PAPPA2: variants seen among roughly 807,000 people sequenced by gnomAD.
PAPPA2 encodes the protein pappalysin-2.
Under a neutral mutation model 176.4 loss-of-function variants are expected in PAPPA2, and 86 were observed. That is an observed-to-expected ratio of 0.49 (90% CI 0.41 to 0.58). The LOEUF (loss-of-function observed/expected upper bound fraction) is 0.58, where lower values mean the gene tolerates loss of function less well. Among genes scored for constraint, PAPPA2 ranks in the 20% least tolerant of loss-of-function variants. PAPPA2 has a pLI of 0.00. For missense variants in PAPPA2, 2,073 were observed against 2,256.9 expected (o/e 0.92, Z 1.65); for synonymous variants, 809 against 852.2 (o/e 0.95, Z 0.88).
intron 1 of PAPPA2, among the ~76,000 whole-genome samples, chr1:176,503,712 C>T (rs1009638741): frequency 6.6e-6 from 1 of 152,152 alleles, no homozygotes; most frequent in Non-Finnish European, 1.5e-5. Context: ...CTGGAGAAAG[C>T]AGTGTCTGTT....
chr1:176,554,994 T>C lies in PAPPA2; in HGVS notation c.-916-413T>C, dbSNP rs963411018. On this transcript the variant is annotated intron_variant, in intron 1 of 22. Transcript: ENST00000367662. ...GTAAGTGTGTGTGTGTGTGTGTGTG[T>C]GTGTGTGAGAGAGAGAGAGAGAGAG... Among the ~76,000 whole-genome samples the C allele has an allele frequency of 4.1e-4, 43 of 106,000 alleles. 1 individual carries two copies. Among genetic ancestry groups the C allele is most frequent in the Non-Finnish European group, 2.2e-4 (11 of 49,030 alleles). 69.5% of individuals were successfully genotyped at this position (106,000 alleles called of 152,430 possible).
At chr1:176,686,173 G>C (rs1303677643) in intron 4 of PAPPA2, among the ~76,000 whole-genome samples, 1 of 152,134 alleles carries the variant, frequency 6.6e-6, no homozygotes, top group African/African-American at 2.4e-5. Context: ...CCGTTCTCAC[G>C]CTGCTTTGAA....
chr1:176,471,602 C>T (rs983582044), intron 1 of PAPPA2, among the ~76,000 whole-genome samples: 1 of 152,182 alleles, frequency 6.6e-6, no homozygotes, highest in African/African-American at 2.4e-5. Flanking sequence ...CTGCCTCCCT[C>T]CCCATGAAAG....
chr1:176,515,839 T>A (rs6687706), intron 1 of PAPPA2, among the ~76,000 whole-genome samples: 56,724 of 152,004 alleles, frequency 0.37, 12,482 homozygotes, highest in African/African-American at 0.6. Flanking sequence ...ACTCCATTCC[T>A]TGGTGTGGAA....
At chr1:176,589,498 T>C (rs1390761217) in intron 2 of PAPPA2, among the ~76,000 whole-genome samples, 1 of 152,222 alleles carries the variant, frequency 6.6e-6, no homozygotes, top group East Asian at 1.9e-4. Context: ...TTAGTAAATA[T>C]ATATGATGGA....
At chr1:176,710,205 G>A in intron 11 of PAPPA2, 29 bp downstream of exon 11, 3 of 1,597,698 alleles carry the variant, frequency 1.9e-6, no homozygotes, top group Non-Finnish European at 2.6e-6. Context: ...ATAGAGTCGA[G>A]CCTGCGCAAA....
chr1:176,570,723 C>A (rs116786399), intron 2 of PAPPA2, among the ~76,000 whole-genome samples: 3,256 of 150,554 alleles, frequency 0.022, 70 homozygotes, highest in African/African-American at 0.059. Flanking sequence ...CAGGTGACAG[C>A]CAGGTGCCAT....
intron 1 of PAPPA2, among the ~76,000 whole-genome samples, chr1:176,553,294 C>T (rs1280563943): frequency 6.9e-6 from 1 of 144,624 alleles, no homozygotes; most frequent in Non-Finnish European, 1.5e-5. Flanking sequence ...AGGGAGGGGG[C>T]ACCTTCTAGT....
At chr1:176,816,177 T>C (rs1314945271) in intron 21 of PAPPA2, among the ~76,000 whole-genome samples, 2 of 124,976 alleles carry the variant, frequency 1.6e-5, no homozygotes, top group South Asian at 2.6e-4. Context: ...TATATATATA[T>C]ATATATATAT....
chr1:176,825,412 T>C (rs1666819415), intron 21 of PAPPA2, among the ~76,000 whole-genome samples: 1 of 152,242 alleles, frequency 6.6e-6, no homozygotes, highest in African/African-American at 2.4e-5. Context: ...TAATTTCATA[T>C]CTTGCCTTAT....
intron 3 of PAPPA2, among the ~76,000 whole-genome samples, chr1:176,615,731 A>G (rs1327575684): frequency 6.6e-6 from 1 of 152,228 alleles, no homozygotes; most frequent in Non-Finnish European, 1.5e-5. Flanking sequence ...AACCTGATGT[A>G]TACTAGTATG....
intron 4 of PAPPA2, among the ~76,000 whole-genome samples, chr1:176,674,629 C>T (rs12080168): frequency 0.25 from 38,398 of 151,694 alleles, 5,009 homozygotes; most frequent in South Asian, 0.34. Context: ...CTATGGTATA[C>T]ACATATACTG....
intron 15 of PAPPA2, among the ~76,000 whole-genome samples, chr1:176,768,169 A>G (rs1248462702): frequency 6.6e-6 from 1 of 152,194 alleles, no homozygotes; most frequent in Non-Finnish European, 1.5e-5. Flanking sequence ...CAAACAAGCC[A>G]TAAGCTTCTA....
At chr1:176,780,563 C>A (rs1047258890) in intron 17 of PAPPA2, among the ~76,000 whole-genome samples, 2 of 152,196 alleles carry the variant, frequency 1.3e-5, no homozygotes, top group African/African-American at 2.4e-5. Flanking sequence ...CTCTGCCTGG[C>A]ATATCCTCCT....
At chr1:176,584,400 TG>T (rs1653173040) in intron 2 of PAPPA2, among the ~76,000 whole-genome samples, 2 of 148,178 alleles carry the variant, frequency 1.3e-5, no homozygotes, top group Admixed American at 6.7e-5. Flanking sequence ...AATGCATTTT[TG>T]TTTTTTTTTT....
At position 176,843,163 on chromosome 1, in the gene PAPPA2, G is replaced by T. The variant is rs984866958; in HGVS notation, c.*709G>T. 6.6e-6 allele frequency: 1 copy of T among 152,090 alleles called. No individual in the cohort carries two copies. Among genetic ancestry groups the T allele is most frequent in the Non-Finnish European group, 1.5e-5 (1 of 68,032 alleles). The allele number at this position is 152,090 out of a possible 1,614,324, so 9.4% of individuals were successfully genotyped here. A position where few individuals can be genotyped will look rare whatever the true frequency, so the allele number is the denominator to read the frequency against. ...TCTTTCTATGGATGCGGATTGGCAG[G>T]TTGAATGGGAAGTACAGAAGGAGAG... On this transcript the variant is annotated 3_prime_UTR_variant, in exon 23 of 23. Transcript: ENST00000367662.
At chr1:176,531,941 G>C (rs1649832109) in intron 1 of PAPPA2, among the ~76,000 whole-genome samples, 1 of 152,160 alleles carries the variant, frequency 6.6e-6, no homozygotes. Context: ...TGGGAACTGG[G>C]CTTCCTAGAG....
intron 4 of PAPPA2, among the ~76,000 whole-genome samples, chr1:176,676,491 G>A (rs1659306495): frequency 6.6e-6 from 1 of 151,876 alleles, no homozygotes; most frequent in East Asian, 1.9e-4. Context: ...CTTACATGGT[G>A]TAACATTTCA....
intron 3 of PAPPA2, among the ~76,000 whole-genome samples, chr1:176,604,002 A>G (rs1573112193): frequency 1.3e-5 from 2 of 152,076 alleles, no homozygotes; most frequent in African/African-American, 4.8e-5. Flanking sequence ...CTCACCTCTT[A>G]CCATGCTCCT....
Sources: allele counts gnomAD v4.1 joint callset (sites outside exome capture counted in the v4.1 genomes callset), GRCh38; gene constraint gnomAD v4.1.1; transcripts MANE v1.5; gene names NCBI Gene and HGNC (gene_info 2026-07-23, HGNC 2026-07-21).